Variants in RBBP8 observed in about 807,000 individuals in gnomAD.
RBBP8 encodes RB binding protein 8, endonuclease.
Under a neutral mutation model 108.3 loss-of-function variants are expected in RBBP8, and 88 were observed. The observed-to-expected ratio is 0.81, with a 90% CI of 0.68 to 0.97. RBBP8 has a LOEUF of 0.97. Among genes scored for constraint, RBBP8 ranks in the 50% least tolerant of loss-of-function variants. The pLI, the probability that RBBP8 is intolerant of heterozygous loss-of-function variation, is 0.00. For synonymous variants in RBBP8, 332 were observed against 348.2 expected, an observed-to-expected ratio of 0.95 and a Z score of 0.52; for missense variants, 1,023 against 1,049.0, an observed-to-expected ratio of 0.98 and a Z score of 0.34.
At chr18:22,961,756 C>A (rs1391752163) in intron 4 of RBBP8, among the ~76,000 whole-genome samples, 1 of 152,178 alleles carries the variant, frequency 6.6e-6, no homozygotes, top group East Asian at 1.9e-4. Context: ...AGATTGGACA[C>A]CCCGTTCTAA....
At chr18:22,995,907 G>A (rs1487311153) in intron 12 of RBBP8, among the ~76,000 whole-genome samples, 4 of 152,162 alleles carry the variant, frequency 2.6e-5, no homozygotes. Flanking sequence ...ATTATACCTA[G>A]GAGTGGAATT....
intron 16 of RBBP8, among the ~76,000 whole-genome samples, chr18:23,009,231 C>T (rs565087756): frequency 6.6e-6 from 1 of 152,198 alleles, no homozygotes; most frequent in African/African-American, 2.4e-5. Context: ...AACATAATTC[C>T]TTAATTTATT....
intron 4 of RBBP8, among the ~76,000 whole-genome samples, chr18:22,950,524 T>A (rs1911942953): frequency 6.7e-6 from 1 of 150,148 alleles, no homozygotes; most frequent in African/African-American, 2.5e-5. Flanking sequence ...TGAGCTATGA[T>A]CGCACTGCTG....
chr18:22,979,676 A>G (rs1480706533), intron 6 of RBBP8, among the ~76,000 whole-genome samples: 1 of 152,228 alleles, frequency 6.6e-6, no homozygotes. Context: ...TGACATGGGA[A>G]AGTCAATTAA....
chr18:22,992,018 G>T (rs1003366533), intron 10 of RBBP8, among the ~76,000 whole-genome samples: 3 of 152,256 alleles, frequency 2.0e-5, no homozygotes, highest in Admixed American at 1.3e-4. Flanking sequence ...CTATTAAGTG[G>T]TAGAGCCAGA....
intron 2 of RBBP8, among the ~76,000 whole-genome samples, chr18:22,944,442 A>G (rs561444846): frequency 4.5e-4 from 68 of 152,326 alleles, no homozygotes; most frequent in African/African-American, 1.6e-3. Flanking sequence ...AAGTCAGCCA[A>G]AATTAAAAAC....
intron 2 of RBBP8, among the ~76,000 whole-genome samples, chr18:22,944,736 G>C (rs1452361126): frequency 6.6e-6 from 1 of 152,058 alleles, no homozygotes; most frequent in Non-Finnish European, 1.5e-5. Context: ...TGAAATTTGA[G>C]ACATAAGGAA....
chr18:23,015,637 T>C (rs2144814931), intron 16 of RBBP8, among the ~76,000 whole-genome samples: 1 of 152,264 alleles, frequency 6.6e-6, no homozygotes, highest in East Asian at 1.9e-4. Context: ...ATTTTTATAT[T>C]GAGTGAGAAA....
chr18:23,003,011 T>TA (rs2144750696), intron 15 of RBBP8, among the ~76,000 whole-genome samples: 1 of 152,356 alleles, frequency 6.6e-6, no homozygotes, highest in South Asian at 2.1e-4. Context: ...TCTTTTAAGT[T>TA]ACATTTGACA....
At chr18:22,916,208 T>C (rs543463659) in intron 2 of RBBP8, among the ~76,000 whole-genome samples, 1 of 152,244 alleles carries the variant, frequency 6.6e-6, no homozygotes, top group South Asian at 2.1e-4. Context: ...AGCTGCACAA[T>C]TTCGCATAAC....
chr18:22,960,454 G>A (rs1477429487), intron 4 of RBBP8, among the ~76,000 whole-genome samples: 1 of 152,160 alleles, frequency 6.6e-6, no homozygotes, highest in African/African-American at 2.4e-5. Flanking sequence ...GCTGAGGTGG[G>A]AGGATCACTT....
chr18:22,941,062 GT>G (rs1911045362), intron 2 of RBBP8, among the ~76,000 whole-genome samples: 1 of 151,924 alleles, frequency 6.6e-6, no homozygotes, highest in Admixed American at 6.6e-5. Context: ...AAATAGAATT[GT>G]TTTTTTAATT....
intron 4 of RBBP8, among the ~76,000 whole-genome samples, chr18:22,961,311 C>A (rs144175502): frequency 3.9e-5 from 6 of 152,256 alleles, no homozygotes; most frequent in African/African-American, 1.4e-4. Context: ...GAGCTGGGGG[C>A]CCAGCTATAC....
chr18:22,917,939 A>G (rs1002813182), intron 3 of RBBP8, among the ~76,000 whole-genome samples: 4 of 150,020 alleles, frequency 2.7e-5, no homozygotes, highest in Admixed American at 1.4e-4. Context: ...CAGAGGTTGC[A>G]GTGAGCCAAG....
chr18:23,020,023 A>G (rs1310658982), intron 17 of RBBP8, among the ~76,000 whole-genome samples: 1 of 151,494 alleles, frequency 6.6e-6, no homozygotes, highest in Non-Finnish European at 1.5e-5. Context: ...CAGCCTCCCA[A>G]AGTGCTGGGA....
At chr18:22,968,366 C>G (rs1913799252) in intron 4 of RBBP8, among the ~76,000 whole-genome samples, 1 of 152,164 alleles carries the variant, frequency 6.6e-6, no homozygotes, top group Non-Finnish European at 1.5e-5. Flanking sequence ...CCACTGTGCC[C>G]TGCCAATGAT....
intron 4 of RBBP8, among the ~76,000 whole-genome samples, chr18:22,952,961 A>G (rs1296798616): frequency 1.3e-5 from 2 of 152,226 alleles, no homozygotes; most frequent in Non-Finnish European, 2.9e-5. Context: ...ATTCCTATGT[A>G]AAGAAAATTT....
intron 1 of RBBP8, chr18:22,934,787 T>A (rs1312161695): frequency 6.6e-6 from 1 of 151,816 alleles, no homozygotes; most frequent in Non-Finnish European, 1.5e-5. Context: ...ATTTTACAGT[T>A]ATTGGTCTCA....
intron 13 of RBBP8, among the ~76,000 whole-genome samples, chr18:22,997,048 T>C (rs971154099): frequency 2.0e-5 from 3 of 152,230 alleles, no homozygotes; most frequent in Non-Finnish European, 4.4e-5. Context: ...AATTTTATCA[T>C]TCATTAAAAT....
Sources: allele counts gnomAD v4.1 joint callset (sites outside exome capture counted in the v4.1 genomes callset), GRCh38; gene constraint gnomAD v4.1.1; transcripts MANE v1.5; gene names NCBI Gene and HGNC (gene_info 2026-07-23, HGNC 2026-07-21).